The following SHOC2 variants were observed in gnomAD, a reference collection of about 807,000 sequenced individuals.
SHOC2 encodes the protein leucine-rich repeat protein SHOC-2.
A neutral mutation model predicts 50.2 loss-of-function variants in SHOC2; 4 were observed. The ratio of observed to expected loss-of-function variants is 0.08; its 90% CI spans 0.04 to 0.18. The LOEUF (loss-of-function observed/expected upper bound fraction) is 0.18. SHOC2 is among the 10% of genes least tolerant of loss of function. The probability of loss-of-function intolerance (pLI) is 1.00; values close to 1 mark genes in which losing one functional copy is unlikely to be tolerated. For missense variants in SHOC2, 388 were observed against 669.6 expected, an observed-to-expected ratio of 0.58 and a Z score of 4.64; for synonymous variants, 218 against 244.5, an observed-to-expected ratio of 0.89 and a Z score of 1.01.
chr10:111,002,818 G>C (rs1248841420), intron 4 of SHOC2, among the ~76,000 whole-genome samples: 1 of 151,890 alleles, frequency 6.6e-6, no homozygotes, highest in Non-Finnish European at 1.5e-5. Context: ...GCTTCACAAT[G>C]TGACTAAGAA....
intron 1 of SHOC2, among the ~76,000 whole-genome samples, chr10:110,948,205 G>C (rs1847284717): frequency 6.6e-6 from 1 of 152,068 alleles, no homozygotes; most frequent in Non-Finnish European, 1.5e-5. Flanking sequence ...CTCAACATCA[G>C]AGCACCAAAA....
At chr10:110,949,119 A>G (rs1847302699) in intron 1 of SHOC2, among the ~76,000 whole-genome samples, 2 of 152,172 alleles carry the variant, frequency 1.3e-5, no homozygotes, top group Non-Finnish European at 2.9e-5. Flanking sequence ...AGCAGAAATA[A>G]ATGAAATAGG....
chr10:110,939,341 C>G (rs1310053185), intron 1 of SHOC2, among the ~76,000 whole-genome samples: 1 of 152,138 alleles, frequency 6.6e-6, no homozygotes, highest in Non-Finnish European at 1.5e-5. Flanking sequence ...CCTTAGCCTC[C>G]TGAGTAGCTG....
chr10:110,925,343 A>G (rs968879454), intron 1 of SHOC2, among the ~76,000 whole-genome samples: 2 of 152,174 alleles, frequency 1.3e-5, no homozygotes, highest in Non-Finnish European at 2.9e-5. Flanking sequence ...GTCTTGTATG[A>G]TTTAAAAGTT....
intron 3 of SHOC2, among the ~76,000 whole-genome samples, chr10:111,000,153 C>G (rs1590830994): frequency 6.6e-6 from 1 of 152,022 alleles, no homozygotes; most frequent in Non-Finnish European, 1.5e-5. Context: ...TTAAAGTATG[C>G]CAATACTTTA....
intron 4 of SHOC2, 52 bp from the exon 5 acceptor site, chr10:111,004,554 A>T (rs1462030940): frequency 6.7e-6 from 9 of 1,352,546 alleles, no homozygotes; most frequent in Non-Finnish European, 9.5e-6. Context: ...TTCTATAAAA[A>T]ATGAGTCTCA....
chr10:110,967,965 C>CT (rs1396415275), intron 2 of SHOC2, among the ~76,000 whole-genome samples: 6 of 152,106 alleles, frequency 3.9e-5, no homozygotes, highest in Admixed American at 3.9e-4. Flanking sequence ...TTTGTTTTCA[C>CT]TTCTCTTGAG....
chr10:111,004,606 A>T lies in SHOC2; in HGVS notation c.973A>T (p.Ser325Cys). 2 of 1,604,102 alleles carry T rather than the reference A, an allele frequency of 1.2e-6. No homozygotes were observed. The highest frequency in any genetic ancestry group is 1.7e-6 in the Non-Finnish European group (2 of 1,170,866). Reference sequence around the variant, plus strand: ...TATGTTTATTTCATTTTTTTTACAGAGTCTTTTATCAAGTCTTGTGAAACT... The same window carrying T: ...TATGTTTATTTCATTTTTTTTACAGTGTCTTTTATCAAGTCTTGTGAAACT... ...ENNNISTLPE[S>C]LLSSLVKLNS... Residue 325 changes from serine (S) to cysteine (C), a missense_variant and splice_region_variant, in exon 5 of 9, where the codon AGT (serine) becomes TGT (cysteine). Transcript: ENST00000369452.
chr10:110,944,635 T>G (rs908756783), intron 1 of SHOC2, among the ~76,000 whole-genome samples: 2 of 152,234 alleles, frequency 1.3e-5, no homozygotes, highest in African/African-American at 4.8e-5. Context: ...TAAAATAATT[T>G]GACAACTATG....
chr10:110,928,751 A>G (rs1360192179), intron 1 of SHOC2, among the ~76,000 whole-genome samples: 2 of 151,932 alleles, frequency 1.3e-5, no homozygotes, highest in Non-Finnish European at 2.9e-5. Context: ...AAAAATTAAC[A>G]GGGTGTGGTG....
intron 2 of SHOC2, among the ~76,000 whole-genome samples, chr10:110,971,368 T>C (rs1480546489): frequency 6.6e-6 from 1 of 152,130 alleles, no homozygotes; most frequent in South Asian, 2.1e-4. Context: ...GCTGTAAATA[T>C]GTGGATTTAT....
intron 3 of SHOC2, among the ~76,000 whole-genome samples, chr10:110,996,616 C>T (rs1443862009): frequency 2.0e-5 from 3 of 151,816 alleles, no homozygotes; most frequent in Non-Finnish European, 2.9e-5. Flanking sequence ...AATTTTGTGA[C>T]TGACTTGGAA....
At chr10:110,957,569 C>G (rs1847491871) in intron 1 of SHOC2, among the ~76,000 whole-genome samples, 1 of 148,364 alleles carries the variant, frequency 6.7e-6, no homozygotes, top group African/African-American at 2.5e-5. Context: ...CTCACTCTTC[C>G]AGTTTCTTGA....
At chr10:110,965,191 GTTTAC>G (rs2134122168) in intron 2 of SHOC2, 130 bp downstream of exon 2, 1 of 785,558 alleles carries the variant, frequency 1.3e-6, no homozygotes, top group African/African-American at 1.7e-5. Context: ...CTTTTTTATG[GTTTAC>G]TTTATTCCAT....
At chr10:111,005,674 A>G (rs1362804764) in intron 5 of SHOC2, among the ~76,000 whole-genome samples, 1 of 152,214 alleles carries the variant, frequency 6.6e-6, no homozygotes, top group East Asian at 1.9e-4. Flanking sequence ...CCCACTCTAC[A>G]GTGATCGAGT....
chr10:110,963,442 A>G (rs1351341210), intron 1 of SHOC2, among the ~76,000 whole-genome samples: 1 of 152,222 alleles, frequency 6.6e-6, no homozygotes, highest in Admixed American at 6.5e-5. Flanking sequence ...ATTAAAGTAC[A>G]GATTATTAAT....
Position 110,953,124 on chromosome 10 carries a change from T to C in SHOC2, c.-234-11001T>C, listed in dbSNP as rs180891892. The stretch of plus-strand genomic sequence containing the variant: ...GTCAAATGGTATTTCTGGTTCTAGA[T>C]CCTTGAGGAATCGCCACACTGTCTT... On this transcript the variant is annotated intron_variant, in intron 1 of 8. Coordinates refer to ENST00000369452, the MANE Select transcript of SHOC2 (RefSeq NM_007373.4). Among the ~76,000 whole-genome samples the C allele has an allele frequency of 2.0e-5, 3 of 152,342 alleles. No homozygotes were observed. In the East Asian group the frequency reaches 5.8e-4, roughly 29 times the overall value.
chr10:110,940,910 G>GTTTTTTTTTTTTTTTT lies in SHOC2; in HGVS notation c.-235+21276_-235+21291dup, dbSNP rs539552844. 2.6e-4 allele frequency among the ~76,000 whole-genome samples: 31 copies of GTTTTTTTTTTTTTTTT among 119,482 alleles called. 1 individual carries two copies. The highest frequency in any genetic ancestry group is 4.4e-3 in the Middle Eastern group (1 of 226). The allele number at this position is 119,482 out of a possible 152,430, so 78.4% of individuals were successfully genotyped here. A position where few individuals can be genotyped will look rare whatever the true frequency, so the allele number is the denominator to read the frequency against. On this transcript the variant is annotated intron_variant, in intron 1 of 8. Transcript: ENST00000369452. ...GACAAAATAGTGGTATTTGTGGTGG[G>GTTTTTTTTTTTTTTTT]TTTTTTTTTTTTTTTTTTTTTTTTT...
chr10:110,974,884 T>G (rs1847847638), intron 2 of SHOC2, among the ~76,000 whole-genome samples: 1 of 152,202 alleles, frequency 6.6e-6, no homozygotes, highest in East Asian at 1.9e-4. Flanking sequence ...CTATTTTGCT[T>G]TAAGGTTTAA....
Sources: allele counts gnomAD v4.1 joint callset (sites outside exome capture counted in the v4.1 genomes callset), GRCh38; gene constraint gnomAD v4.1.1; transcripts MANE v1.5; gene names NCBI Gene and HGNC (gene_info 2026-07-23, HGNC 2026-07-21).